Variants in CTDSPL observed in about 807,000 individuals in gnomAD.
CTDSPL encodes the protein CTD small phosphatase-like protein.
Under a neutral mutation model 30.5 loss-of-function variants are expected in CTDSPL, and 8 were observed. The observed-to-expected ratio is 0.26, with a 90% confidence interval of 0.15 to 0.47. CTDSPL has a LOEUF of 0.47. CTDSPL is among the 20% of genes least tolerant of loss of function. CTDSPL has a pLI of 0.99. For missense variants in CTDSPL, 248 were observed against 366.1 expected, an observed-to-expected ratio of 0.68 and a Z score of 2.63; for synonymous variants, 110 against 137.9, an observed-to-expected ratio of 0.80 and a Z score of 1.42.
At chr3:37,977,937 C>A (rs9826470) in intron 7 of CTDSPL, among the ~76,000 whole-genome samples, 1 of 151,900 alleles carries the variant, frequency 6.6e-6, no homozygotes, top group East Asian at 1.9e-4. Context: ...GGGTATTATA[C>A]GCTTATGAAG....
intron 1 of CTDSPL, among the ~76,000 whole-genome samples, chr3:37,873,723 T>C (rs1347805016): frequency 6.6e-6 from 1 of 152,234 alleles, no homozygotes; most frequent in African/African-American, 2.4e-5. Flanking sequence ...ATTTCAATAT[T>C]ATGCTAATGA....
intron 1 of CTDSPL, 84 bp from the exon 2 acceptor site, chr3:37,946,973 A>C (rs768523892): frequency 1.0e-5 from 15 of 1,444,408 alleles, no homozygotes; most frequent in Non-Finnish European, 1.4e-5. Context: ...CTGGGGGGCA[A>C]CTGCACACTC....
chr3:37,931,826 T>C (rs567811366), intron 1 of CTDSPL, among the ~76,000 whole-genome samples: 36 of 152,102 alleles, frequency 2.4e-4, no homozygotes, highest in Non-Finnish European at 4.9e-4. Flanking sequence ...TCATTTTAAC[T>C]TTTATTTAAC....
At chr3:37,907,973 C>T (rs1005209634) in intron 1 of CTDSPL, among the ~76,000 whole-genome samples, 2 of 152,310 alleles carry the variant, frequency 1.3e-5, no homozygotes, top group African/African-American at 4.8e-5. Context: ...TCCTGAGATG[C>T]AAAACAAACA....
chr3:37,868,562 C>G (rs1480414241), intron 1 of CTDSPL, among the ~76,000 whole-genome samples: 1 of 151,940 alleles, frequency 6.6e-6, no homozygotes, highest in Non-Finnish European at 1.5e-5. Context: ...AGTTCATGAT[C>G]CATTCTGAGT....
intron 1 of CTDSPL, among the ~76,000 whole-genome samples, chr3:37,907,880 G>A (rs943375112): frequency 3.3e-5 from 5 of 152,208 alleles, no homozygotes; most frequent in African/African-American, 1.2e-4. Context: ...AAATAAAAAA[G>A]CATGTATACA....
chr3:37,969,162 A>G (rs1699333974), intron 5 of CTDSPL, among the ~76,000 whole-genome samples: 1 of 152,262 alleles, frequency 6.6e-6, no homozygotes, highest in Non-Finnish European at 1.5e-5. Context: ...TCATGATGAG[A>G]CAAAGGAGAG....
intron 2 of CTDSPL, 113 bp downstream of exon 2, chr3:37,947,324 C>T (rs1010784432): frequency 1.8e-5 from 22 of 1,233,198 alleles, no homozygotes; most frequent in Middle Eastern, 2.9e-4. Flanking sequence ...TGGTGGCTCA[C>T]GTCTGTAATA....
chr3:37,898,123 G>C (rs543525151), intron 1 of CTDSPL, among the ~76,000 whole-genome samples: 47 of 152,248 alleles, frequency 3.1e-4, no homozygotes, highest in African/African-American at 1.1e-3. Flanking sequence ...TTTATTGCCG[G>C]AATGAGTCCA....
intron 1 of CTDSPL, among the ~76,000 whole-genome samples, chr3:37,889,336 A>G (rs182296595): frequency 2.0e-5 from 3 of 152,344 alleles, no homozygotes; most frequent in Admixed American, 2.0e-4. Flanking sequence ...AAAGTTTTTT[A>G]AAACTTAGCA....
intron 1 of CTDSPL, among the ~76,000 whole-genome samples, chr3:37,867,060 A>G (rs1176520839): frequency 1.3e-5 from 2 of 152,284 alleles, no homozygotes; most frequent in East Asian, 3.9e-4. Flanking sequence ...GAAAAATTTC[A>G]TCATCAGGAG....
chr3:37,910,098 G>T (rs1250826422), intron 1 of CTDSPL, among the ~76,000 whole-genome samples: 2 of 152,212 alleles, frequency 1.3e-5, no homozygotes, highest in Non-Finnish European at 2.9e-5. Flanking sequence ...CCCTCAGAGG[G>T]TTGTTGTAAG....
At chr3:37,881,761 G>T (rs191268103) in intron 1 of CTDSPL, among the ~76,000 whole-genome samples, 65 of 151,256 alleles carry the variant, frequency 4.3e-4, no homozygotes, top group African/African-American at 1.6e-3. Flanking sequence ...ATATATGTGT[G>T]TTGAAAAACT....
At chr3:37,891,534 GT>G (rs1698325493) in intron 1 of CTDSPL, among the ~76,000 whole-genome samples, 1 of 152,204 alleles carries the variant, frequency 6.6e-6, no homozygotes, top group Non-Finnish European at 1.5e-5. Context: ...CAGGCTTAGA[GT>G]GCCGTTTTAT....
intron 1 of CTDSPL, among the ~76,000 whole-genome samples, chr3:37,922,106 A>C (rs1227374864): frequency 6.6e-6 from 1 of 151,652 alleles, no homozygotes; most frequent in African/African-American, 2.4e-5. Context: ...GTAGTGCTGC[A>C]TGCCTATAAT....
intron 1 of CTDSPL, among the ~76,000 whole-genome samples, chr3:37,882,964 GC>G (rs2125593078): frequency 2.0e-5 from 3 of 152,292 alleles, no homozygotes; most frequent in East Asian, 3.9e-4. Context: ...TTTGTGTAGT[GC>G]TCTAGCCACA....
intron 2 of CTDSPL, among the ~76,000 whole-genome samples, chr3:37,953,944 C>T (rs1699138825): frequency 1.3e-5 from 2 of 152,064 alleles, no homozygotes; most frequent in Non-Finnish European, 1.5e-5. Flanking sequence ...ATAGAAAACC[C>T]AAAAGACTCC....
rs147056098 is a variant in CTDSPL, at chr3:37,933,484, A to G, written c.80-13573A>G. On this transcript the variant is annotated intron_variant, in intron 1 of 7. Transcript: ENST00000273179. Reference sequence around the variant, plus strand: ...TAATGGTAGCATGCTACATGGACCTAGCAAGCTACTGTATGCACCTTGCTT... The same window carrying G: ...TAATGGTAGCATGCTACATGGACCTGGCAAGCTACTGTATGCACCTTGCTT... Among the ~76,000 whole-genome samples the G allele has an allele frequency of 3.0e-3, 450 of 152,334 alleles. 5 individuals carry two copies. The highest frequency in any genetic ancestry group is 0.011 in the East Asian group (59 of 5,184).
intron 4 of CTDSPL, among the ~76,000 whole-genome samples, chr3:37,967,134 T>G (rs1297864664): frequency 6.6e-6 from 1 of 152,256 alleles, no homozygotes; most frequent in Non-Finnish European, 1.5e-5. Context: ...GGGCTGGCTC[T>G]GTACCCCCAC....
Sources: allele counts gnomAD v4.1 joint callset (sites outside exome capture counted in the v4.1 genomes callset), GRCh38; gene constraint gnomAD v4.1.1; transcripts MANE v1.5; gene names NCBI Gene and HGNC (gene_info 2026-07-23, HGNC 2026-07-21).